Variants in MACC1 observed in about 807,000 individuals in gnomAD.
The protein encoded by MACC1 is MET transcriptional regulator MACC1.
In MACC1, 79 loss-of-function variants were observed where a neutral mutation model predicts 70.7. The observed-to-expected ratio is 1.12, with a 90% CI of 0.93 to 1.35. The LOEUF is 1.35. Ranked by LOEUF, MACC1 falls within the 40% of genes most tolerant of loss-of-function variation. The probability of loss-of-function intolerance (pLI) is 0.00; values close to 1 mark genes in which losing one functional copy is unlikely to be tolerated. For synonymous variants in MACC1, 361 were observed against 347.2 expected (o/e 1.04, Z -0.44); for missense variants, 1,106 against 978.1 (o/e 1.13, Z -1.74).
chr7:20,150,915 G>C (rs1357018709), intron 6 of MACC1, among the ~76,000 whole-genome samples: 3 of 152,132 alleles, frequency 2.0e-5, no homozygotes, highest in Admixed American at 1.3e-4. Context: ...AGGTATGGTG[G>C]CATGCGCCTG....
chr7:20,147,001 C>T (rs1020778502), intron 6 of MACC1, among the ~76,000 whole-genome samples: 5 of 152,064 alleles, frequency 3.3e-5, no homozygotes, highest in African/African-American at 1.2e-4. Flanking sequence ...AGGGCAGCAG[C>T]GTGAGTAAGT....
chr7:20,155,043 A>T (rs577727941), intron 5 of MACC1, among the ~76,000 whole-genome samples: 2 of 152,250 alleles, frequency 1.3e-5, no homozygotes, highest in South Asian at 2.1e-4. Context: ...GGTATTAAAG[A>T]CAAAACACCT....
intron 1 of MACC1, among the ~76,000 whole-genome samples, chr7:20,176,884 C>A (rs1413964700): frequency 6.6e-6 from 1 of 152,038 alleles, no homozygotes; most frequent in African/African-American, 2.4e-5. Context: ...TGATGGCGAG[C>A]AGATTAGTGG....
rs549493299 is a variant in MACC1, at chr7:20,196,402, A to G, written c.-218+20897T>C. On this transcript the variant is annotated intron_variant, in intron 1 of 6. Transcript: ENST00000400331. ...TCACCGTGTTAGCCAGGATGGTCTC[A>G]ATCTCCTGACCTTGTGATCCGCCCA... is the stretch of plus-strand genomic sequence containing the variant. 4.1e-3 allele frequency among the ~76,000 whole-genome samples: 621 copies of G among 152,040 alleles called. 3 individuals are homozygous for G. Among genetic ancestry groups the G allele is most frequent in the Non-Finnish European group, 6.7e-3 (457 of 67,960 alleles).
intron 1 of MACC1, among the ~76,000 whole-genome samples, chr7:20,205,004 A>G (rs1782890477): frequency 6.6e-6 from 1 of 152,222 alleles, no homozygotes; most frequent in South Asian, 2.1e-4. Context: ...TTTAGATACC[A>G]TGGTTATCAA....
intron 6 of MACC1, among the ~76,000 whole-genome samples, chr7:20,152,045 A>C (rs1210126354): frequency 6.6e-6 from 1 of 152,192 alleles, no homozygotes; most frequent in Non-Finnish European, 1.5e-5. Flanking sequence ...GGATTACATT[A>C]ATTAATTTTT....
At chr7:20,166,308 C>T (rs1782217708) in intron 2 of MACC1, among the ~76,000 whole-genome samples, 1 of 152,128 alleles carries the variant, frequency 6.6e-6, no homozygotes, top group South Asian at 2.1e-4. Flanking sequence ...AAATGCCAAA[C>T]CTGCCCAAGT....
At chr7:20,211,956 T>C (rs1783003158) in intron 1 of MACC1, among the ~76,000 whole-genome samples, 1 of 152,228 alleles carries the variant, frequency 6.6e-6, no homozygotes, top group Admixed American at 6.5e-5. Context: ...GTATACTTTA[T>C]TGTTTCCACA....
intron 6 of MACC1, among the ~76,000 whole-genome samples, chr7:20,149,623 C>T (rs1052504434): frequency 6.6e-6 from 1 of 151,988 alleles, no homozygotes; most frequent in Non-Finnish European, 1.5e-5. Flanking sequence ...CTGAAGACTC[C>T]CCTCCATTGA....
chr7:20,159,678 G>C lies in MACC1; in HGVS notation c.683C>G (p.Pro228Arg), dbSNP rs1782112522. 1.2e-6 allele frequency: 2 copies of C among 1,614,020 alleles called. No individual in the cohort carries two copies. Among genetic ancestry groups the C allele is most frequent in the African/African-American group, 2.7e-5 (2 of 74,898 alleles). Reference protein sequence around the residue: ...VNHQGGSVQLPESDITVHVPQ... With the variant: ...VNHQGGSVQLRESDITVHVPQ... ...CACATGAACAGTGATGTCTGATTCA[G>C]GTAATTGTACTGACCCTCCTTGATG... Residue 228 changes from proline to arginine, a missense_variant, in exon 5 of 7, where the codon CCT becomes CGT. Physicochemically the swap from Pro to Arg is moderately radical, Grantham distance 103 (BLOSUM62 -2). Transcript: ENST00000400331.
At chr7:20,202,328 C>A (rs947686876) in intron 1 of MACC1, among the ~76,000 whole-genome samples, 3 of 152,188 alleles carry the variant, frequency 2.0e-5, no homozygotes, top group African/African-American at 7.2e-5. Flanking sequence ...TGTTTTCCAT[C>A]AAAGCTATGA....
chr7:20,160,362 T>C (rs2128102958), intron 4 of MACC1, 117 bp from the exon 5 acceptor site: 8 of 1,222,274 alleles, frequency 6.5e-6, no homozygotes, highest in Non-Finnish European at 7.7e-6. Flanking sequence ...TTTTTCTTTC[T>C]GATCTCTAGT....
In MACC1 at chr7:20,195,717, G is replaced by T. The variant is rs143425478; in HGVS notation, c.-218+21582C>A. On this transcript the variant is annotated intron_variant, in intron 1 of 6. Coordinates refer to ENST00000400331, the MANE Select transcript of MACC1 (RefSeq NM_182762.4). ...TGTAGTTATGGCTTGTGGAACAGGG[G>T]ATCAGTTAGCTTCTGTGAGCTGGAT... Among the ~76,000 whole-genome samples the T allele has an allele frequency of 4.9e-3, 740 of 152,332 alleles. 1 individual carries two copies. The highest frequency in any genetic ancestry group is 8.1e-3 in the Non-Finnish European group (548 of 68,020).
At chr7:20,143,545 C>T (rs1209402015) in intron 6 of MACC1, among the ~76,000 whole-genome samples, 3 of 152,272 alleles carry the variant, frequency 2.0e-5, no homozygotes, top group Non-Finnish European at 2.9e-5. Context: ...CGCGCCACCA[C>T]GCCCAGCTAA....
In MACC1 at chr7:20,205,840, G is replaced by A. The variant is rs147445539; in HGVS notation, c.-218+11459C>T. On this transcript the variant is annotated intron_variant, in intron 1 of 6. Transcript: ENST00000400331. The stretch of plus-strand genomic sequence containing the variant: ...CCCTCCCCAGAGCTGCAGAACTGTA[G>A]CATTCACTTTTCTGACGTCTCCATG... Among the ~76,000 whole-genome samples the A allele has an allele frequency of 6.3e-3, 965 of 152,168 alleles. 14 individuals carry two copies. The highest frequency in any genetic ancestry group is 0.021 in the African/African-American group (889 of 41,522).
chr7:20,188,859 T>C (rs1234893164), intron 1 of MACC1, among the ~76,000 whole-genome samples: 1 of 152,252 alleles, frequency 6.6e-6, no homozygotes, highest in East Asian at 1.9e-4. Flanking sequence ...ATGACTTGTC[T>C]GTTCAAAATC....
chr7:20,194,098 A>G (rs978001369), intron 1 of MACC1, among the ~76,000 whole-genome samples: 1 of 152,154 alleles, frequency 6.6e-6, no homozygotes, highest in African/African-American at 2.4e-5. Flanking sequence ...GGTTTCCACC[A>G]CAGAACTACC....
chr7:20,159,405 G>C lies in MACC1; in HGVS notation c.956C>G (p.Pro319Arg). 1 of 1,613,956 alleles carries C rather than the reference G, an allele frequency of 6.2e-7. No individual in the cohort carries two copies. Among genetic ancestry groups the C allele is most frequent in the East Asian group, 2.2e-5 (1 of 44,882 alleles). The stretch of plus-strand genomic sequence containing the variant: ...GTAGCAGTTGCTTAAAACTTTAAAA[G>C]GGCCTTCTTTACCCAAGCTGTGTAA... Reference protein sequence around the residue: ...VCLHSLGKEGPFKVLSNCYIY... With the variant: ...VCLHSLGKEGRFKVLSNCYIY... The change falls in exon 5 of 7, where the codon CCT becomes CGT. Residue 319 changes from proline to arginine, a missense_variant. Physicochemically the swap from Pro to Arg is moderately radical, Grantham distance 103. Transcript: ENST00000400331.
Position 20,151,927 on chromosome 7 carries a change from G to A in MACC1, c.2346+2266C>T, listed in dbSNP as rs1781985309. On this transcript the variant is annotated intron_variant, in intron 6 of 6. Transcript: ENST00000400331. ...TCATGGACTCTGAAGTCAAATGTCTGTGCTCTAAACATGGTTCCAGGACTT... is the reference window on the plus strand; with the variant it reads ...TCATGGACTCTGAAGTCAAATGTCTATGCTCTAAACATGGTTCCAGGACTT... Among the ~76,000 whole-genome samples, 4 of 152,172 alleles carry A rather than the reference G, an allele frequency of 2.6e-5. No individual in the cohort carries two copies. In the South Asian group the frequency reaches 8.3e-4, roughly 31 times the overall value.
Sources: allele counts gnomAD v4.1 joint callset (sites outside exome capture counted in the v4.1 genomes callset), GRCh38; gene constraint gnomAD v4.1.1; transcripts MANE v1.5; gene names NCBI Gene and HGNC (gene_info 2026-07-23, HGNC 2026-07-21).